SLC35F1: variants seen among roughly 807,000 people sequenced by gnomAD.
The protein encoded by SLC35F1 is chromosome 6 open reading frame 169.
Under a neutral mutation model 48.7 loss-of-function variants are expected in SLC35F1, and 14 were observed. The observed-to-expected ratio is 0.29, with a 90% CI of 0.19 to 0.45. The LOEUF is 0.45. SLC35F1 is among the 20% of genes least tolerant of loss of function. The pLI is 1.00. For missense variants in SLC35F1, 404 were observed against 500.0 expected (o/e 0.81, Z 1.83); for synonymous variants, 190 against 202.2 (o/e 0.94, Z 0.51).
At chr6:117,945,390 A>G (rs190619650) in intron 1 of SLC35F1, among the ~76,000 whole-genome samples, 1 of 152,320 alleles carries the variant, frequency 6.6e-6, no homozygotes, top group East Asian at 1.9e-4. Context: ...AGTACTTGCT[A>G]CATGCATTGT....
chr6:118,086,779 G>C (rs1236005454), intron 1 of SLC35F1, among the ~76,000 whole-genome samples: 7 of 152,074 alleles, frequency 4.6e-5, no homozygotes, highest in African/African-American at 1.5e-4. Flanking sequence ...TTCATTGTCT[G>C]TCCTTCTCTC....
At chr6:118,276,385 C>A (rs1775918369) in intron 5 of SLC35F1, among the ~76,000 whole-genome samples, 1 of 152,214 alleles carries the variant, frequency 6.6e-6, no homozygotes, top group South Asian at 2.1e-4. Context: ...TTTCACCAAT[C>A]TCTTTCTACA....
In SLC35F1 at chr6:118,196,440, G is replaced by A. The variant is rs542813976; in HGVS notation, c.350-39069G>A. ...GTGTGATATTCAAAAAATCAGCTGG[G>A]GCCAGTGGCTTATGCCTGTAATCCT... On this transcript the variant is annotated intron_variant, in intron 2 of 7. Transcript: ENST00000360388. 2.0e-4 allele frequency among the ~76,000 whole-genome samples: 31 copies of A among 152,188 alleles called. No individual in the cohort carries two copies. In the East Asian group the frequency reaches 5.6e-3, roughly 28 times the overall value.
chr6:118,188,614 A>T (rs1283833616), intron 2 of SLC35F1, among the ~76,000 whole-genome samples: 1 of 152,102 alleles, frequency 6.6e-6, no homozygotes, highest in Non-Finnish European at 1.5e-5. Context: ...TGGACAGTGC[A>T]TTGGTAATTC....
chr6:117,988,602 G>C (rs959946695), intron 1 of SLC35F1, among the ~76,000 whole-genome samples: 1 of 152,168 alleles, frequency 6.6e-6, no homozygotes, highest in Non-Finnish European at 1.5e-5. Flanking sequence ...TGAATATGGA[G>C]AGATGTACCA....
intron 3 of SLC35F1, among the ~76,000 whole-genome samples, chr6:118,254,044 G>C (rs910101026): frequency 6.6e-6 from 1 of 151,952 alleles, no homozygotes; most frequent in Non-Finnish European, 1.5e-5. Flanking sequence ...CAGCAGATGG[G>C]GAGAGGGGAC....
intron 1 of SLC35F1, among the ~76,000 whole-genome samples, chr6:118,094,505 G>A (rs531449610): frequency 5.4e-4 from 82 of 152,200 alleles, no homozygotes; most frequent in African/African-American, 1.9e-3. Flanking sequence ...TACTCAAGAG[G>A]TCATCAAGAG....
At chr6:118,230,918 G>A (rs1038470285) in intron 2 of SLC35F1, among the ~76,000 whole-genome samples, 4 of 151,864 alleles carry the variant, frequency 2.6e-5, no homozygotes, top group Admixed American at 6.6e-5. Flanking sequence ...CCATGGTCAC[G>A]CCACTGCACT....
chr6:118,013,763 A>C (rs190444227), intron 1 of SLC35F1, among the ~76,000 whole-genome samples: 1 of 152,292 alleles, frequency 6.6e-6, no homozygotes, highest in East Asian at 1.9e-4. Context: ...TGCTCTAGTC[A>C]TAGCTTATTA....
chr6:118,087,688 A>G (rs1773011988), intron 1 of SLC35F1, among the ~76,000 whole-genome samples: 1 of 152,094 alleles, frequency 6.6e-6, no homozygotes, highest in Admixed American at 6.6e-5. Flanking sequence ...TTGCCCAACA[A>G]CTTCTATCAA....
chr6:118,285,434 G>T (rs764504804), intron 7 of SLC35F1, 96 bp downstream of exon 7: 1 of 1,380,770 alleles, frequency 7.2e-7, no homozygotes, highest in Non-Finnish European at 1.0e-6. Context: ...CTGATTTTGT[G>T]TAGGGAATAG....
chr6:118,118,067 T>A (rs1350417947), intron 1 of SLC35F1, among the ~76,000 whole-genome samples: 1 of 152,204 alleles, frequency 6.6e-6, no homozygotes, highest in African/African-American at 2.4e-5. Flanking sequence ...TGTGTGGACA[T>A]CTGTTTTCAT....
At chr6:118,148,725 T>G (rs937484336) in intron 1 of SLC35F1, among the ~76,000 whole-genome samples, 3 of 152,206 alleles carry the variant, frequency 2.0e-5, no homozygotes, top group African/African-American at 7.2e-5. Flanking sequence ...TGGTGTGTTA[T>G]TCCATATACT....
intron 1 of SLC35F1, among the ~76,000 whole-genome samples, chr6:118,067,078 T>C (rs1326615382): frequency 6.6e-6 from 1 of 152,164 alleles, no homozygotes; most frequent in Non-Finnish European, 1.5e-5. Flanking sequence ...GCAGTAAAGT[T>C]CAAACATATT....
At chr6:118,140,587 G>A (rs568150049) in intron 1 of SLC35F1, among the ~76,000 whole-genome samples, 145 of 114,610 alleles carry the variant, frequency 1.3e-3, no homozygotes, top group Non-Finnish European at 2.2e-3. Flanking sequence ...CTTTTAGAGT[G>A]TATTCCTTAT....
At position 118,315,242 on chromosome 6, in the gene SLC35F1, T is replaced by C. The variant is rs1224978964; in HGVS notation, c.*990T>C. On this transcript the variant is annotated 3_prime_UTR_variant, in exon 8 of 8. Coordinates refer to ENST00000360388, the MANE Select transcript of SLC35F1 (RefSeq NM_001029858.4). ...TTTTAAAAATACACCAGCATGGAAA[T>C]TACCTTTATTGTGGAAAATCATTGG... 6.6e-6 allele frequency: 1 copy of C among 152,556 alleles called. No homozygotes were observed. The highest frequency in any genetic ancestry group is 1.5e-5 in the Non-Finnish European group (1 of 68,028). The allele number at this position is 152,556 out of a possible 1,614,324, so 9.5% of individuals were successfully genotyped here.
chr6:118,297,639 A>ATATAT lies in SLC35F1; in HGVS notation c.1002+12301_1002+12302insTATAT, dbSNP rs1311369629. The stretch of plus-strand genomic sequence containing the variant: ...CTCAGAACTTATATATATATATATA[A>ATATAT]AAAATATATATATAATATATATAAT... On this transcript the variant is annotated intron_variant, in intron 7 of 7. Coordinates refer to ENST00000360388, the MANE Select transcript of SLC35F1 (RefSeq NM_001029858.4). 4.1e-4 allele frequency among the ~76,000 whole-genome samples: 50 copies of ATATAT among 120,868 alleles called. 1 individual carries two copies. The highest frequency in any genetic ancestry group is 1.7e-3 in the African/African-American group (48 of 27,512). The allele number at this position is 120,868 out of a possible 152,430, so 79.3% of individuals were successfully genotyped here. A position where few individuals can be genotyped will look rare whatever the true frequency, so the allele number is the denominator to read the frequency against.
chr6:118,292,749 C>T (rs528131990), intron 7 of SLC35F1, among the ~76,000 whole-genome samples: 27 of 151,954 alleles, frequency 1.8e-4, no homozygotes, highest in African/African-American at 5.3e-4. Flanking sequence ...CCCATCATTC[C>T]GCTGTCTGCA....
chr6:118,285,046 A>C, intron 6 of SLC35F1, 138 bp from the exon 7 acceptor site: 1 of 824,874 alleles, frequency 1.2e-6, no homozygotes, highest in Non-Finnish European at 1.9e-6. Flanking sequence ...AATAATAAAC[A>C]TCAGTGAATA....
Sources: allele counts gnomAD v4.1 joint callset (sites outside exome capture counted in the v4.1 genomes callset), GRCh38; gene constraint gnomAD v4.1.1; transcripts MANE v1.5; gene names NCBI Gene and HGNC (gene_info 2026-07-23, HGNC 2026-07-21).